The following KCTD16 variants were observed in gnomAD, a reference collection of about 807,000 sequenced individuals.
The protein encoded by KCTD16 is BTB/POZ domain-containing protein KCTD16.
A neutral mutation model predicts 33.2 loss-of-function variants in KCTD16; 13 were observed. The ratio of observed to expected loss-of-function variants is 0.39; its 90% CI spans 0.25 to 0.62. The LOEUF (loss-of-function observed/expected upper bound fraction) is 0.62. Ranked by LOEUF, KCTD16 falls within the 20% of genes least tolerant of loss-of-function variation. The probability of loss-of-function intolerance (pLI) is 0.50; values close to 1 mark genes in which losing one functional copy is unlikely to be tolerated. For synonymous variants in KCTD16, 197 were observed against 195.3 expected, an observed-to-expected ratio of 1.01 and a Z score of -0.07; for missense variants, 441 against 525.1, an observed-to-expected ratio of 0.84 and a Z score of 1.57.
chr5:144,467,891 T>C (rs908534196), intron 3 of KCTD16, among the ~76,000 whole-genome samples: 17 of 152,032 alleles, frequency 1.1e-4, no homozygotes, highest in African/African-American at 4.1e-4. Flanking sequence ...GGGATTTGGG[T>C]TAACCACACA....
At chr5:144,436,928 G>A (rs1753593500) in intron 3 of KCTD16, among the ~76,000 whole-genome samples, 1 of 152,004 alleles carries the variant, frequency 6.6e-6, no homozygotes, top group Non-Finnish European at 1.5e-5. Context: ...GTTTCTTTTT[G>A]TGTAAAATGA....
chr5:144,171,974 A>G (rs1431453271), intron 1 of KCTD16, among the ~76,000 whole-genome samples: 1 of 152,224 alleles, frequency 6.6e-6, no homozygotes, highest in East Asian at 1.9e-4. Context: ...CAGGGTTTAT[A>G]GCAATAAAAT....
At chr5:144,417,053 T>C (rs753737529) in intron 3 of KCTD16, among the ~76,000 whole-genome samples, 5 of 152,210 alleles carry the variant, frequency 3.3e-5, no homozygotes, top group Non-Finnish European at 5.9e-5. Context: ...TTCTACTTTT[T>C]GGTTTTTGTG....
chr5:144,221,752 G>A (rs897411617), intron 3 of KCTD16, among the ~76,000 whole-genome samples: 1 of 152,042 alleles, frequency 6.6e-6, no homozygotes, highest in East Asian at 1.9e-4. Context: ...TTTAGAGTAG[G>A]ATGATTTATA....
At position 144,443,136 on chromosome 5, in the gene KCTD16, C is replaced by A. The variant is rs568411487; in HGVS notation, c.833-30524C>A. Among the ~76,000 whole-genome samples, 7 of 152,194 alleles carry A rather than the reference C, an allele frequency of 4.6e-5. No homozygotes were observed. The South Asian group carries it at 1.5e-3, about 32-fold the overall frequency. On this transcript the variant is annotated intron_variant, in intron 3 of 3. Transcript: ENST00000512467. ...GAGAATGAGAAACGCAGGCAGGCTG[C>A]CCTTACTTGCGTGAAACTGGAACCT...
intron 3 of KCTD16, among the ~76,000 whole-genome samples, chr5:144,309,174 T>G (rs1042578579): frequency 6.6e-6 from 1 of 152,172 alleles, no homozygotes; most frequent in Non-Finnish European, 1.5e-5. Flanking sequence ...TTAGACAGAA[T>G]CAGTACTTTC....
chr5:144,261,262 G>C (rs964024916), intron 3 of KCTD16, among the ~76,000 whole-genome samples: 1 of 151,286 alleles, frequency 6.6e-6, no homozygotes. Flanking sequence ...CACAAAGCTG[G>C]AACTTTAGGA....
At chr5:144,207,655 T>C (rs1356037388) in intron 3 of KCTD16, 109 bp downstream of exon 3, 1 of 858,434 alleles carries the variant, frequency 1.2e-6, no homozygotes, top group African/African-American at 1.7e-5. Context: ...GGAATTCTTT[T>C]TAACTCTTGA....
intron 3 of KCTD16, among the ~76,000 whole-genome samples, chr5:144,436,677 T>A (rs1000680826): frequency 1.3e-5 from 2 of 151,222 alleles, no homozygotes; most frequent in Non-Finnish European, 2.9e-5. Context: ...AACCCCTGCC[T>A]CCCAGATTCA....
chr5:144,275,363 A>G lies in KCTD16; in HGVS notation c.832+67817A>G, dbSNP rs546251700. 2.6e-5 allele frequency among the ~76,000 whole-genome samples: 4 copies of G among 152,320 alleles called. No individual in the cohort carries two copies. The East Asian group carries it at 7.7e-4, about 29-fold the overall frequency. On this transcript the variant is annotated intron_variant, in intron 3 of 3. Coordinates refer to ENST00000512467, the MANE Select transcript of KCTD16 (RefSeq NM_020768.4). ...ACTCATTGCACCTAATAACCAGAGC[A>G]CATTCTCTTTCTTCCTCCCATGTCA...
At chr5:144,322,261 C>T (rs10056197) in intron 3 of KCTD16, among the ~76,000 whole-genome samples, 47,089 of 151,884 alleles carry the variant, frequency 0.31, 7,840 homozygotes, top group African/African-American at 0.43. Context: ...CTAGCATCCC[C>T]AAGTCTATGA....
At chr5:144,414,172 G>T (rs894490217) in intron 3 of KCTD16, among the ~76,000 whole-genome samples, 14 of 152,186 alleles carry the variant, frequency 9.2e-5, no homozygotes, top group African/African-American at 3.4e-4. Context: ...CAAGGTGTCA[G>T]TGGAGGCATG....
intron 3 of KCTD16, among the ~76,000 whole-genome samples, chr5:144,424,650 G>A (rs185610150): frequency 1.3e-5 from 2 of 152,254 alleles, no homozygotes; most frequent in Non-Finnish European, 2.9e-5. Flanking sequence ...AAATTCAAGA[G>A]CGTGGCTTTG....
chr5:144,189,915 T>A (rs1752807943), intron 2 of KCTD16, among the ~76,000 whole-genome samples: 1 of 152,180 alleles, frequency 6.6e-6, no homozygotes, highest in South Asian at 2.1e-4. Context: ...GAACTACTTA[T>A]TGCATTCAGG....
intron 3 of KCTD16, among the ~76,000 whole-genome samples, chr5:144,233,308 C>CCAGG (rs1754159875): frequency 6.6e-6 from 1 of 152,008 alleles, no homozygotes; most frequent in Non-Finnish European, 1.5e-5. Context: ...TCCTTTAATA[C>CCAGG]CAGGAGAAAT....
At chr5:144,336,539 T>G (rs1051247782) in intron 3 of KCTD16, among the ~76,000 whole-genome samples, 1 of 152,176 alleles carries the variant, frequency 6.6e-6, no homozygotes, top group Non-Finnish European at 1.5e-5. Context: ...CCATGCCTGA[T>G]GAATGGCCTG....
At chr5:144,202,948 G>A (rs138751733) in intron 2 of KCTD16, among the ~76,000 whole-genome samples, 1 of 152,286 alleles carries the variant, frequency 6.6e-6, no homozygotes, top group Non-Finnish European at 1.5e-5. Context: ...TTCTGCTTAT[G>A]TGAATCATCA....
chr5:144,184,251 C>T (rs959747805), intron 2 of KCTD16, among the ~76,000 whole-genome samples: 1 of 152,094 alleles, frequency 6.6e-6, no homozygotes, highest in African/African-American at 2.4e-5. Context: ...ATTAAACTTC[C>T]CACCCCAGCT....
intron 3 of KCTD16, among the ~76,000 whole-genome samples, chr5:144,295,600 G>A (rs971457702): frequency 6.6e-6 from 1 of 152,098 alleles, no homozygotes; most frequent in Non-Finnish European, 1.5e-5. Context: ...GACTGTGGTG[G>A]GCAGAATAGT....
Sources: allele counts gnomAD v4.1 joint callset (sites outside exome capture counted in the v4.1 genomes callset), GRCh38; gene constraint gnomAD v4.1.1; transcripts MANE v1.5; gene names NCBI Gene and HGNC (gene_info 2026-07-23, HGNC 2026-07-21).